Variants in KIAA0232 observed in about 807,000 individuals in gnomAD.
KIAA0232 encodes uncharacterized protein KIAA0232.
In KIAA0232, 27 loss-of-function variants were observed where a neutral mutation model predicts 122.0. That is an observed-to-expected ratio of 0.22 (90% CI 0.16 to 0.31). The LOEUF is 0.31. KIAA0232 is among the 10% of genes least tolerant of loss of function. KIAA0232 has a pLI of 1.00. For synonymous variants in KIAA0232, 613 were observed against 587.6 expected, an observed-to-expected ratio of 1.04 and a Z score of -0.63; for missense variants, 1,551 against 1,634.2, an observed-to-expected ratio of 0.95 and a Z score of 0.88.
At chr4:6,825,840 A>T (rs1056009036) in intron 3 of KIAA0232, among the ~76,000 whole-genome samples, 1 of 152,192 alleles carries the variant, frequency 6.6e-6, no homozygotes, top group Non-Finnish European at 1.5e-5. Flanking sequence ...ATCGTTACCC[A>T]CACTGAGAGC....
chr4:6,878,658 G>T (rs1721887915), intron 9 of KIAA0232, among the ~76,000 whole-genome samples: 1 of 152,132 alleles, frequency 6.6e-6, no homozygotes, highest in East Asian at 1.9e-4. Context: ...GCAGGTTGTG[G>T]TTTTTTCCCG....
intron 4 of KIAA0232, among the ~76,000 whole-genome samples, chr4:6,842,824 G>A (rs184404750): frequency 1.8e-4 from 27 of 152,140 alleles, no homozygotes; most frequent in African/African-American, 6.5e-4. Context: ...CCTGATCTCA[G>A]GTGATCTGCC....
intron 8 of KIAA0232, among the ~76,000 whole-genome samples, chr4:6,874,281 G>A (rs1406244158): frequency 6.6e-6 from 1 of 152,242 alleles, no homozygotes; most frequent in Non-Finnish European, 1.5e-5. Flanking sequence ...ACAGGGACTT[G>A]AGGAAATAGG....
intron 3 of KIAA0232, among the ~76,000 whole-genome samples, chr4:6,835,363 A>G (rs1719205249): frequency 1.3e-5 from 2 of 152,186 alleles, no homozygotes; most frequent in South Asian, 4.1e-4. Flanking sequence ...TCTTGATGGT[A>G]GAACCACCAC....
chr4:6,833,647 G>GAA (rs201974616), intron 3 of KIAA0232, among the ~76,000 whole-genome samples: 1 of 150,040 alleles, frequency 6.7e-6, no homozygotes, highest in African/African-American at 2.4e-5. Flanking sequence ...AGGAAAAAAA[G>GAA]AAAAAAAAAG....
Position 6,782,792 on chromosome 4 carries a change from A to T in KIAA0232, c.-403A>T, listed in dbSNP as rs1161899586. 6.7e-6 allele frequency: 1 copy of T among 148,406 alleles called. No homozygotes were observed. The highest frequency in any genetic ancestry group is 2.4e-5 in the African/African-American group (1 of 40,912). The allele number at this position is 148,406 out of a possible 1,614,324, so 9.2% of individuals were successfully genotyped here. ...CAGCCGCCCGCAGCCCCTCGGAGCC[A>T]GAGGAGAGGCGCCCCCGCCGGCCGC... On this transcript the variant is annotated 5_prime_UTR_variant, in exon 1 of 10. Transcript: ENST00000307659.
chr4:6,840,406 C>G (rs1022789089), intron 3 of KIAA0232, among the ~76,000 whole-genome samples: 7 of 152,152 alleles, frequency 4.6e-5, no homozygotes, highest in Admixed American at 4.6e-4. Flanking sequence ...GTCATTTAGG[C>G]ACTGTGAGGC....
At chr4:6,793,331 A>G (rs1311566950) in intron 1 of KIAA0232, among the ~76,000 whole-genome samples, 2 of 152,222 alleles carry the variant, frequency 1.3e-5, no homozygotes, top group Admixed American at 1.3e-4. Context: ...GAAAAACTCC[A>G]TAATGGATCA....
intron 2 of KIAA0232, among the ~76,000 whole-genome samples, chr4:6,816,869 AATTT>A (rs1718153772): frequency 6.6e-6 from 1 of 152,100 alleles, no homozygotes; most frequent in South Asian, 2.1e-4. Flanking sequence ...TAAGTTATTG[AATTT>A]ATTGGTATAA....
Position 6,862,787 on chromosome 4 carries a change from A to G in KIAA0232, c.2405A>G (p.Asn802Ser), listed in dbSNP as rs750785969. Residue 802 changes from asparagine (N) to serine (S), a missense_variant, in exon 7 of 10, where the codon AAC (asparagine) becomes AGC (serine). Physicochemically the swap from Asn to Ser is conservative, Grantham distance 46. This residue lies in a region of KIAA0232 where 1,108 missense variants were observed against 1,154.8 expected (regional missense o/e 0.96). Transcript: ENST00000307659. ...CGIQLEQKTE[N>S]KNFETTQVCN... The stretch of plus-strand genomic sequence containing the variant: ...ATTCAGCTAGAACAAAAAACAGAAA[A>G]CAAAAATTTTGAAACTACACAAGTA... 2 of 1,613,972 alleles carry G rather than the reference A, an allele frequency of 1.2e-6. No individual in the cohort carries two copies. The highest frequency in any genetic ancestry group is 2.7e-5 in the African/African-American group (2 of 74,926).
intron 4 of KIAA0232, 127 bp from the exon 5 acceptor site, chr4:6,857,037 T>A (rs1035252023): frequency 6.1e-5 from 35 of 571,446 alleles, no homozygotes; most frequent in Non-Finnish European, 8.9e-5. Context: ...TTCACGTAAA[T>A]ATTGGTAAGA....
At chr4:6,836,866 C>T (rs1326124349) in intron 3 of KIAA0232, among the ~76,000 whole-genome samples, 3 of 152,106 alleles carry the variant, frequency 2.0e-5, no homozygotes, top group Non-Finnish European at 4.4e-5. Flanking sequence ...GGGTTGGGGG[C>T]AAGGTTATAG....
intron 1 of KIAA0232, among the ~76,000 whole-genome samples, chr4:6,800,482 G>T (rs1717340012): frequency 6.6e-6 from 1 of 150,376 alleles, no homozygotes; most frequent in Admixed American, 6.6e-5. Context: ...AGGAGTTCGA[G>T]ACCAGCCTGA....
At chr4:6,795,636 A>G (rs570378244) in intron 1 of KIAA0232, among the ~76,000 whole-genome samples, 1 of 152,338 alleles carries the variant, frequency 6.6e-6, no homozygotes, top group East Asian at 1.9e-4. Flanking sequence ...ACTGTCACCT[A>G]GGCTGGAGTG....
chr4:6,864,159 AG>A lies in KIAA0232; in HGVS notation c.3778del (p.Val1260PhefsTer12). ...AGTTTCCTGCTTATGAAGATAATCCAGTTTCTTCGGGACAGCTGGAAGAGGT... is the reference window on the plus strand; with the variant it reads ...AGTTTCCTGCTTATGAAGATAATCCATTTCTTCGGGACAGCTGGAAGAGGT... The part of the protein sequence containing the change: ...CQFPAYEDNP[V>X]SSGQLEEFPV... On this transcript the variant is annotated frameshift_variant, in exon 7 of 10. Transcript: ENST00000307659. LOFTEE classifies it high-confidence loss of function. 6.2e-7 allele frequency: 1 copy of A among 1,612,854 alleles called. No individual in the cohort carries two copies.
chr4:6,862,250 T>C lies in KIAA0232; in HGVS notation c.1868T>C (p.Leu623Pro), dbSNP rs1382168390. Residue 623 changes from leucine to proline, a missense_variant, in exon 7 of 10, where the codon CTC becomes CCC. Transcript: ENST00000307659. ...TCTCCCATCTTAGACAGCACAGTGC[T>C]CAATTCACACCTGCTTGCTGGCAAT... Reference protein sequence around the residue: ...RLSPILDSTVLNSHLLAGNQE... With the variant: ...RLSPILDSTVPNSHLLAGNQE... The C allele has an allele frequency of 6.2e-7, 1 of 1,614,064 alleles. No homozygotes were observed. Among genetic ancestry groups the C allele is most frequent in the Non-Finnish European group, 8.5e-7 (1 of 1,180,046 alleles).
At position 6,863,273 on chromosome 4, in the gene KIAA0232, CTGA is replaced by C; in HGVS notation, c.2894_2896del (p.Asp965del). On this transcript the variant is annotated inframe_deletion, in exon 7 of 10. Coordinates refer to ENST00000307659, the MANE Select transcript of KIAA0232 (RefSeq NM_014743.3). ...GGAAGTCTGTTACAGTGTGCAGCTT[CTGA>C]TGTTGTGACGATAGCTGGTACAGAT... 1 of 1,614,158 alleles carries C rather than the reference CTGA, an allele frequency of 6.2e-7. No homozygotes were observed. Among genetic ancestry groups the C allele is most frequent in the Non-Finnish European group, 8.5e-7 (1 of 1,180,034 alleles).
chr4:6,824,900 A>G (rs1374858453), intron 3 of KIAA0232, among the ~76,000 whole-genome samples: 1 of 152,106 alleles, frequency 6.6e-6, no homozygotes, highest in Non-Finnish European at 1.5e-5. Flanking sequence ...CCATAGTTAG[A>G]CTTTCTCACT....
In KIAA0232 at chr4:6,882,387, A is replaced by G. The variant is rs1367377600; in HGVS notation, c.*1421A>G. 1.3e-5 allele frequency: 2 copies of G among 152,108 alleles called. No individual in the cohort carries two copies. Among genetic ancestry groups the G allele is most frequent in the Non-Finnish European group, 2.9e-5 (2 of 68,008 alleles). 9.4% of individuals were successfully genotyped at this position (152,108 alleles called of 1,614,324 possible). A position where few individuals can be genotyped will look rare whatever the true frequency, so the allele number is the denominator to read the frequency against. On this transcript the variant is annotated 3_prime_UTR_variant, in exon 10 of 10. Transcript: ENST00000307659. Reference sequence around the variant, plus strand: ...TTGGGCAGGCAGTAAACACACATATAATTTATTAGCTGGGAGCTGAACTGG... The same window carrying G: ...TTGGGCAGGCAGTAAACACACATATGATTTATTAGCTGGGAGCTGAACTGG...
Sources: gnomAD v4.1 joint callset for allele counts (sites outside exome capture counted in the v4.1 genomes callset) on GRCh38, gnomAD v4.1.1 for gene constraint, gnomAD v4.1.1 regional missense constraint, MANE v1.5 for transcripts, NCBI Gene and HGNC (gene_info 2026-07-23, HGNC 2026-07-21) for gene names.